Variants in TRERF1 observed in about 807,000 individuals in gnomAD.
The protein encoded by TRERF1 is transcriptional-regulating factor 1.
TRERF1 carries 27 observed loss-of-function variants against 122.9 expected under a neutral mutation model. The ratio of observed to expected loss-of-function variants is 0.22; its 90% CI spans 0.16 to 0.30. The LOEUF (loss-of-function observed/expected upper bound fraction) is 0.30. Among genes scored for constraint, TRERF1 ranks in the 10% least tolerant of loss-of-function variants. TRERF1 has a pLI of 1.00. For synonymous variants in TRERF1, 636 were observed against 641.7 expected (o/e 0.99, Z 0.13); for missense variants, 1,248 against 1,560.3 (o/e 0.80, Z 3.37).
At chr6:42,229,130 T>C (rs750942527) in intron 17 of TRERF1, among the ~76,000 whole-genome samples, 22 of 152,056 alleles carry the variant, frequency 1.4e-4, no homozygotes, top group Non-Finnish European at 2.6e-4. Context: ...TTGGTTTTGT[T>C]GTTGTTGTTG....
intron 3 of TRERF1, among the ~76,000 whole-genome samples, chr6:42,308,651 G>A (rs1275325276): frequency 6.6e-6 from 1 of 152,228 alleles, no homozygotes; most frequent in Non-Finnish European, 1.5e-5. Flanking sequence ...GGGTGGAGCT[G>A]GAGGCCACTG....
chr6:42,300,133 G>A (rs1785906746), intron 4 of TRERF1, among the ~76,000 whole-genome samples: 1 of 152,190 alleles, frequency 6.6e-6, no homozygotes, highest in Non-Finnish European at 1.5e-5. Context: ...AGTCTTTGTG[G>A]TTCCTAATGG....
At position 42,259,820 on chromosome 6, in the gene TRERF1, AG is replaced by A; in HGVS notation, c.1885-98del. 2 of 1,534,556 alleles carry A rather than the reference AG, an allele frequency of 1.3e-6. No individual in the cohort carries two copies. The highest frequency in any genetic ancestry group is 1.7e-6 in the Non-Finnish European group (2 of 1,145,916). ...AGGGGGCCTTCTACTGTCTAAGCAG[AG>A]AGCCCTTCTGCTTGACCCCCCCACC... On this transcript the variant is annotated intron_variant, in intron 8 of 17. Coordinates refer to ENST00000372922, the Ensembl canonical transcript of TRERF1. The surrounding 1 kb of genome is among the most constrained non-coding windows in gnomAD (Gnocchi z 4.9).
intron 2 of TRERF1, among the ~76,000 whole-genome samples, chr6:42,423,884 G>GC (rs1783214747): frequency 6.6e-6 from 1 of 152,084 alleles, no homozygotes; most frequent in South Asian, 2.1e-4. Flanking sequence ...TCGAAAACCT[G>GC]CCCCCCAACA....
chr6:42,395,193 C>G (rs1472817651), intron 2 of TRERF1, among the ~76,000 whole-genome samples: 1 of 152,192 alleles, frequency 6.6e-6, no homozygotes, highest in African/African-American at 2.4e-5. Context: ...AACTTCCCCT[C>G]TACAAAGTCA....
rs750917224 is a variant in TRERF1, at chr6:42,268,510, C to G, written c.1081G>C (p.Glu361Gln). ...ATCAGCTGGACAGTGTGTGCCTGCT[C>G]TGGGGTATACTGGTGAGGGTCCCTG... The change falls in exon 5 of 18, where the codon GAG becomes CAG. Residue 361 changes from glutamate (E) to glutamine (Q), a missense_variant. Physicochemically the swap from Glu to Gln is conservative, Grantham distance 29 (BLOSUM62 2). Coordinates refer to ENST00000372922, the Ensembl canonical transcript of TRERF1. The surrounding 1 kb of genome is among the most constrained non-coding windows in gnomAD (Gnocchi z 4.4). The G allele has an allele frequency of 2.5e-6, 4 of 1,613,616 alleles. No homozygotes were observed. The highest frequency in any genetic ancestry group is 1.1e-5 in the South Asian group (1 of 91,020).
chr6:42,299,680 T>C (rs1389924571), intron 4 of TRERF1, among the ~76,000 whole-genome samples: 1 of 152,192 alleles, frequency 6.6e-6, no homozygotes, highest in East Asian at 1.9e-4. Context: ...GAAGCACTTA[T>C]GGGACATTTA....
chr6:42,408,283 A>ACATGTGTGTGTATGTATATATACATACT (rs1254633306), intron 2 of TRERF1, among the ~76,000 whole-genome samples: 807 of 61,500 alleles, frequency 0.013, 6 homozygotes, highest in Admixed American at 0.015. Flanking sequence ...ATATACATAC[A>ACATGTGTGTGTATGTATATATACATACT]CATGTGTGTG....
intron 2 of TRERF1, among the ~76,000 whole-genome samples, chr6:42,385,680 A>G (rs924263704): frequency 2.0e-5 from 3 of 152,166 alleles, no homozygotes; most frequent in Admixed American, 2.0e-4. Context: ...CATATTACTC[A>G]AAGGCACCAC....
At chr6:42,379,769 G>A (rs1173799576) in intron 2 of TRERF1, among the ~76,000 whole-genome samples, 1 of 152,292 alleles carries the variant, frequency 6.6e-6, no homozygotes, top group South Asian at 2.1e-4. Context: ...GAGCCCAAGC[G>A]ATCCACCCAC....
intron 3 of TRERF1, among the ~76,000 whole-genome samples, chr6:42,326,041 G>A (rs1764227821): frequency 6.6e-6 from 1 of 152,162 alleles, no homozygotes; most frequent in African/African-American, 2.4e-5. Context: ...GGGTGGCAAG[G>A]GTTGAAAAGC....
At chr6:42,396,315 C>T (rs1778570131) in intron 2 of TRERF1, among the ~76,000 whole-genome samples, 4 of 152,242 alleles carry the variant, frequency 2.6e-5, no homozygotes, top group South Asian at 4.2e-4. Context: ...GAAACAAGAA[C>T]CCCAAATCTG....
In TRERF1 at chr6:42,268,246, G is replaced by A; in HGVS notation, c.1345C>T (p.Pro449Ser). The A allele has an allele frequency of 6.7e-7, 1 of 1,498,598 alleles. No individual in the cohort carries two copies. 92.8% of individuals were successfully genotyped at this position (1,498,598 alleles called of 1,614,324 possible). The change falls in exon 5 of 18, where the codon CCC becomes TCC. Residue 449 changes from proline to serine, a missense_variant. By Grantham distance (74) the Pro-to-Ser change is moderately conservative. Transcript: ENST00000372922. The surrounding 1 kb of genome is among the most constrained non-coding windows in gnomAD (Gnocchi z 4.4). ...CTGGGGGATAGGAGGGGGCGATGGG[G>A]GAGGGTGCTGCTGACCCGGGTCAGA...
chr6:42,254,298 G>C (rs1195013205), intron 13 of TRERF1, among the ~76,000 whole-genome samples: 3 of 152,198 alleles, frequency 2.0e-5, no homozygotes, highest in Non-Finnish European at 4.4e-5. Flanking sequence ...ATGCATCTCA[G>C]TGTTTAGCAA....
chr6:42,287,791 C>T (rs953545517), intron 4 of TRERF1, among the ~76,000 whole-genome samples: 6 of 152,102 alleles, frequency 3.9e-5, no homozygotes, highest in Non-Finnish European at 8.8e-5. Flanking sequence ...CTCCTCTGGT[C>T]GGGTCTCACC....
intron 3 of TRERF1, among the ~76,000 whole-genome samples, chr6:42,305,141 C>T (rs911801842): frequency 2.0e-5 from 3 of 152,204 alleles, no homozygotes; most frequent in African/African-American, 7.2e-5. Flanking sequence ...AAGCCGAGGT[C>T]TGATGCCTTG....
intron 2 of TRERF1, among the ~76,000 whole-genome samples, chr6:42,375,340 C>T (rs1021220700): frequency 6.6e-5 from 10 of 152,208 alleles, no homozygotes; most frequent in East Asian, 1.9e-4. Context: ...GGAGCAGCTC[C>T]GGAGCCACCC....
chr6:42,258,278 C>T (rs1777123562), intron 9 of TRERF1, 77 bp from the exon 10 acceptor site: 6 of 1,311,710 alleles, frequency 4.6e-6, no homozygotes, highest in Non-Finnish European at 6.5e-6. Flanking sequence ...GAGCAGTTAC[C>T]TAACCAGCCA....
chr6:42,395,429 C>G (rs1778429055), intron 2 of TRERF1, among the ~76,000 whole-genome samples: 1 of 152,102 alleles, frequency 6.6e-6, no homozygotes, highest in Non-Finnish European at 1.5e-5. Context: ...AGGAGGGGGA[C>G]AGAGGATTGA....
Sources: gnomAD v4.1 joint callset for allele counts (sites outside exome capture counted in the v4.1 genomes callset) on GRCh38, gnomAD v4.1.1 for gene constraint, Gnocchi (gnomAD v3.1) non-coding constraint, MANE v1.5 for transcripts, NCBI Gene and HGNC (gene_info 2026-07-23, HGNC 2026-07-21) for gene names.